Variants in FMN2 observed in about 807,000 individuals in gnomAD.
FMN2 encodes formin-2.
A neutral mutation model predicts 142.3 loss-of-function variants in FMN2; 51 were observed. The observed-to-expected ratio is 0.36, with a 90% CI of 0.29 to 0.45. The LOEUF (loss-of-function observed/expected upper bound fraction) is 0.45, where lower values mean the gene tolerates loss of function less well. Ranked by LOEUF, FMN2 falls within the 20% of genes least tolerant of loss-of-function variation. FMN2 has a pLI of 1.00. For synonymous variants in FMN2, 882 were observed against 869.8 expected, an observed-to-expected ratio of 1.01 and a Z score of -0.25; for missense variants, 1,936 against 2,122.8, an observed-to-expected ratio of 0.91 and a Z score of 1.73.
intron 15 of FMN2, among the ~76,000 whole-genome samples, chr1:240,394,559 T>G (rs1261382977): frequency 1.3e-5 from 2 of 152,142 alleles, no homozygotes; most frequent in African/African-American, 4.8e-5. Flanking sequence ...TCTAAGATAA[T>G]TCATGGAAGT....
chr1:240,438,140 A>G lies in FMN2; in HGVS notation c.4990A>G (p.Ile1664Val), dbSNP rs1397191271. Residue 1664 changes from isoleucine (I) to valine (V), a missense_variant, in exon 16 of 18, where the codon ATC becomes GTC. Physicochemically the swap from Ile to Val is conservative, Grantham distance 29. Around this residue, in one of 8 missense-constraint regions of FMN2, gnomAD observed 322 missense variants for 401.6 expected, o/e 0.80. Transcript: ENST00000319653. The stretch of plus-strand genomic sequence containing the variant: ...GGTGTCCCCAAATGCTTTCTTCAGT[A>G]TCTGGCATGAATTCAGCTCTGACTT... ...KEVSPNAFFS[I>V]WHEFSSDFKD... 6 of 1,614,044 alleles carry G rather than the reference A, an allele frequency of 3.7e-6. No individual in the cohort carries two copies. The highest frequency in any genetic ancestry group is 3.3e-5 in the Admixed American group (2 of 59,992).
chr1:240,431,161 T>C (rs1187121007), intron 15 of FMN2, among the ~76,000 whole-genome samples: 1 of 151,804 alleles, frequency 6.6e-6, no homozygotes, highest in Non-Finnish European at 1.5e-5. Flanking sequence ...ATTTGATTTA[T>C]TGTTAGATAG....
chr1:240,246,111 C>T (rs1037165066), intron 6 of FMN2, among the ~76,000 whole-genome samples: 4 of 152,100 alleles, frequency 2.6e-5, no homozygotes, highest in African/African-American at 9.6e-5. Context: ...ACCCAGGAGG[C>T]GGAGGTTGCA....
chr1:240,456,356 T>C (rs1676245603), intron 16 of FMN2, among the ~76,000 whole-genome samples: 1 of 152,216 alleles, frequency 6.6e-6, no homozygotes, highest in Non-Finnish European at 1.5e-5. Context: ...AGAAATACCA[T>C]TGTGTTTAAT....
At chr1:240,183,410 A>T (rs1665233250) in intron 3 of FMN2, among the ~76,000 whole-genome samples, 1 of 148,160 alleles carries the variant, frequency 6.7e-6, no homozygotes, top group Non-Finnish European at 1.5e-5. Context: ...GTAAATATAT[A>T]ATATAATATA....
intron 13 of FMN2, among the ~76,000 whole-genome samples, chr1:240,349,500 AAAAATAGCCAGACTCTTC>A (rs1319427081): frequency 6.6e-6 from 1 of 152,084 alleles, no homozygotes; most frequent in African/African-American, 2.4e-5. Flanking sequence ...TACTCAAAAA[AAAAATAGCCAGACTCTTC>A]ATGATCATGG....
At chr1:240,142,902 AC>A (rs1663253971) in intron 2 of FMN2, 1 of 1,605,752 alleles carries the variant, frequency 6.2e-7, no homozygotes, top group African/African-American at 1.3e-5. Flanking sequence ...ATCAAACGTA[AC>A]CAGCATTCGG....
rs552051438 is a variant in FMN2 at position 240,157,861 on chromosome 1, A to G, written c.1783-20060A>G. On this transcript the variant is annotated intron_variant, in intron 2 of 17. Transcript: ENST00000319653. ...AATATATATCACTGAAAAGGGCCAGACGTGGTGGCTCACTCCTGTAATCCT... is the reference window on the plus strand; with the variant it reads ...AATATATATCACTGAAAAGGGCCAGGCGTGGTGGCTCACTCCTGTAATCCT... 1.5e-4 allele frequency among the ~76,000 whole-genome samples: 23 copies of G among 151,812 alleles called. No homozygotes were observed. In the South Asian group the frequency reaches 4.4e-3, roughly 29 times the overall value.
chr1:240,256,035 T>C (rs1003019248), intron 6 of FMN2, among the ~76,000 whole-genome samples: 2 of 152,196 alleles, frequency 1.3e-5, no homozygotes, highest in Non-Finnish European at 2.9e-5. Flanking sequence ...GTGATCAACA[T>C]GTCAATACTA....
At chr1:240,138,453 A>T (rs1205880880) in intron 2 of FMN2, among the ~76,000 whole-genome samples, 1 of 152,016 alleles carries the variant, frequency 6.6e-6, no homozygotes, top group East Asian at 1.9e-4. Flanking sequence ...TAATCCCAGC[A>T]CTTTGGGAGG....
At chr1:240,434,541 GTTTTTTGTTTTTTGTTT>G (rs918720799) in intron 15 of FMN2, among the ~76,000 whole-genome samples, 28 of 103,300 alleles carry the variant, frequency 2.7e-4, no homozygotes, top group Middle Eastern at 6.3e-3. Flanking sequence ...TTTTTGTTTT[GTTTTTTGTTTTTTGTTT>G]TTTTTTGTTT....
intron 8 of FMN2, among the ~76,000 whole-genome samples, chr1:240,328,169 A>AAAAAAAAAAAAAAAC (rs1572198299): frequency 8.0e-6 from 1 of 125,086 alleles, no homozygotes; most frequent in Non-Finnish European, 1.7e-5. Flanking sequence ...AAAAAAAAAA[A>AAAAAAAAAAAAAAAC]AAAGAAAAAG....
At chr1:240,359,570 C>G (rs1157623552) in intron 14 of FMN2, among the ~76,000 whole-genome samples, 1 of 152,190 alleles carries the variant, frequency 6.6e-6, no homozygotes, top group Non-Finnish European at 1.5e-5. Flanking sequence ...AGCCCTGCAA[C>G]CCATTCAATT....
Position 240,093,208 on chromosome 1 carries a change from G to T in FMN2, c.1099G>T (p.Ala367Ser). The change falls in exon 1 of 18, where the codon GCC (alanine) becomes TCC (serine). Residue 367 changes from alanine (A) to serine (S), a missense_variant. Transcript: ENST00000319653. ...APRGSPGEEW[A>S]PEVGEDAPQR... ...CCGGGGCTCTCCGGGGGAGGAGTGG[G>T]CCCCGGAGGTGGGAGAGGACGCCCC... 1 of 1,500,364 alleles carries T rather than the reference G, an allele frequency of 6.7e-7. No individual in the cohort carries two copies. The highest frequency in any genetic ancestry group is 8.9e-7 in the Non-Finnish European group (1 of 1,126,200). The allele number at this position is 1,500,364 out of a possible 1,614,324, so 92.9% of individuals were successfully genotyped here.
chr1:240,470,889 CAA>C (rs796396042), intron 16 of FMN2, among the ~76,000 whole-genome samples: 14 of 151,240 alleles, frequency 9.3e-5, no homozygotes, highest in African/African-American at 3.4e-4. Flanking sequence ...TTAATTAAAA[CAA>C]TAATAAATTT....
chr1:240,105,303 T>G (rs1300248652), intron 1 of FMN2, among the ~76,000 whole-genome samples: 1 of 151,888 alleles, frequency 6.6e-6, no homozygotes, highest in Non-Finnish European at 1.5e-5. Flanking sequence ...GAGATTGGGT[T>G]TCACCATATT....
chr1:240,338,996 CG>C (rs1553365531), intron 13 of FMN2, among the ~76,000 whole-genome samples: 1 of 152,124 alleles, frequency 6.6e-6, no homozygotes, highest in Non-Finnish European at 1.5e-5. Context: ...GCGCAGTTCA[CG>C]GTAGGGTCCT....
At chr1:240,449,769 T>G (rs1558113742) in intron 16 of FMN2, among the ~76,000 whole-genome samples, 1 of 152,192 alleles carries the variant, frequency 6.6e-6, no homozygotes, top group Non-Finnish European at 1.5e-5. Flanking sequence ...TATATGCTAT[T>G]TCATTTTCCA....
chr1:240,418,157 G>C (rs1339523937), intron 15 of FMN2, among the ~76,000 whole-genome samples: 1 of 151,112 alleles, frequency 6.6e-6, no homozygotes, highest in East Asian at 1.9e-4. Context: ...CAATCTGATA[G>C]ACTTTGTTTA....
Sources: allele counts gnomAD v4.1 joint callset (sites outside exome capture counted in the v4.1 genomes callset), GRCh38; gene constraint gnomAD v4.1.1; regional missense constraint gnomAD v4.1.1; transcripts MANE v1.5; gene names NCBI Gene and HGNC (gene_info 2026-07-23, HGNC 2026-07-21).